SOBP: variants seen among roughly 807,000 people sequenced by gnomAD.
SOBP encodes sine oculis binding protein homolog, also known as sine oculis-binding protein homolog.
A neutral mutation model predicts 53.6 loss-of-function variants in SOBP; 4 were observed. That is an observed-to-expected ratio of 0.07 (90% confidence interval 0.04 to 0.17). SOBP has a LOEUF of 0.17. Among genes scored for constraint, SOBP ranks in the 10% least tolerant of loss-of-function variants. The probability of loss-of-function intolerance (pLI) is 1.00; values close to 1 mark genes in which losing one functional copy is unlikely to be tolerated. For missense variants in SOBP, 1,088 were observed against 1,204.7 expected, an observed-to-expected ratio of 0.90 and a Z score of 1.43; for synonymous variants, 584 against 522.6, an observed-to-expected ratio of 1.12 and a Z score of -1.60.
At chr6:107,538,269 C>A (rs369967266) in intron 4 of SOBP, among the ~76,000 whole-genome samples, 1 of 152,140 alleles carries the variant, frequency 6.6e-6, no homozygotes, top group African/African-American at 2.4e-5. Flanking sequence ...CCAAGTAGTA[C>A]AGAAGAAATG....
At chr6:107,619,257 C>T (rs6906619) in intron 5 of SOBP, among the ~76,000 whole-genome samples, 18,546 of 152,150 alleles carry the variant, frequency 0.12, 1,290 homozygotes, top group East Asian at 0.25. Context: ...GGTTTCCTGG[C>T]CCCATCTTAT....
intron 3 of SOBP, among the ~76,000 whole-genome samples, chr6:107,521,810 G>A (rs1205731049): frequency 2.0e-5 from 3 of 151,866 alleles, no homozygotes; most frequent in African/African-American, 7.3e-5. Flanking sequence ...TCTTCTCCTT[G>A]TGCTGAGGTC....
rs1478333195 is a variant in SOBP at position 107,634,365 on chromosome 6, G to T, written c.1521G>T (p.Met507Ile). The T allele has an allele frequency of 6.3e-7, 1 of 1,593,746 alleles. No homozygotes were observed. Among genetic ancestry groups the T allele is most frequent in the Non-Finnish European group, 8.5e-7 (1 of 1,176,764 alleles). The change falls in exon 6 of 7, where the codon ATG (methionine) becomes ATT (isoleucine). Residue 507 changes from methionine to isoleucine, a missense_variant. Coordinates refer to ENST00000317357, the MANE Select transcript of SOBP (RefSeq NM_018013.4). The surrounding 1 kb of genome is among the most constrained non-coding windows in gnomAD (Gnocchi z 4.5). Reference sequence around the variant, plus strand: ...GCCCGATGCCGGTGCCCCAGATGATGAATTTCGGGCTGCCGTCGCTTGCCC... The same window carrying T: ...GCCCGATGCCGGTGCCCCAGATGATTAATTTCGGGCTGCCGTCGCTTGCCC... ...PNGPMPVPQM[M>I]NFGLPSLAPL...
At position 107,523,572 on chromosome 6, in the gene SOBP, A is replaced by C. The variant is rs114864042; in HGVS notation, c.422-9887A>C. ...TCTCTCTGAGTGCTTGGGCCCTCCC[A>C]GGTGTCCCTTTGACACCCAGTCTCT... On this transcript the variant is annotated intron_variant, in intron 3 of 6. Coordinates refer to ENST00000317357, the MANE Select transcript of SOBP (RefSeq NM_018013.4). 1.1e-3 allele frequency among the ~76,000 whole-genome samples: 173 copies of C among 152,326 alleles called. 3 individuals carry two copies. The highest frequency in any genetic ancestry group is 3.9e-3 in the African/African-American group (162 of 41,578).
At chr6:107,584,844 T>C (rs963017230) in intron 4 of SOBP, among the ~76,000 whole-genome samples, 3 of 152,054 alleles carry the variant, frequency 2.0e-5, no homozygotes, top group Non-Finnish European at 4.4e-5. Context: ...GCACCTTACA[T>C]GTAAGTGGAA....
At position 107,635,302 on chromosome 6, in the gene SOBP, A is replaced by C. The variant is rs778619896; in HGVS notation, c.2458A>C (p.Met820Leu). 1.1e-5 allele frequency: 18 copies of C among 1,613,714 alleles called. No individual in the cohort carries two copies. The highest frequency in any genetic ancestry group is 3.3e-4 in the Middle Eastern group (2 of 6,084). The stretch of plus-strand genomic sequence containing the variant: ...CGAGGACCATGCCTATGCTCTGCGG[A>C]TGCTGCCCAAGACCGGCTGCGTGAT... The part of the protein sequence containing the change: ...ADEDHAYALR[M>L]LPKTGCVIQP... Residue 820 changes from methionine (M) to leucine (L), a missense_variant, in exon 6 of 7, where the codon ATG becomes CTG. By Grantham distance (15) the Met-to-Leu change is conservative (BLOSUM62 2). This residue lies in a region of SOBP where 665 missense variants were observed against 629.7 expected (regional missense o/e 1.06). Transcript: ENST00000317357. This position sits in a 1 kb window ranked among gnomAD's most constrained non-coding sequence, Gnocchi z 4.5.
chr6:107,626,406 T>C (rs1236615379), intron 5 of SOBP, among the ~76,000 whole-genome samples: 1 of 152,250 alleles, frequency 6.6e-6, no homozygotes, highest in East Asian at 1.9e-4. Context: ...GCGCAGTACT[T>C]ATTTCTGAAT....
chr6:107,499,375 A>T (rs1022487989), intron 1 of SOBP, among the ~76,000 whole-genome samples: 1 of 152,226 alleles, frequency 6.6e-6, no homozygotes, highest in Non-Finnish European at 1.5e-5. Context: ...TATTGAAAGG[A>T]TCAGGAGAAT....
rs78345119 is a variant in SOBP, at chr6:107,607,791, A to C, written c.669+20616A>C. On this transcript the variant is annotated intron_variant, in intron 5 of 6. Coordinates refer to ENST00000317357, the MANE Select transcript of SOBP (RefSeq NM_018013.4). ...GTTCAAATATAGAACTAACCATATC[A>C]GCATTTCATGGGGTTCCATAGAGAG... Among the ~76,000 whole-genome samples the C allele has an allele frequency of 7.5e-3, 1,142 of 152,348 alleles. 17 individuals are homozygous for C. Among genetic ancestry groups the C allele is most frequent in the African/African-American group, 0.027 (1,102 of 41,578 alleles).
At chr6:107,588,154 C>T (rs1381980864) in intron 5 of SOBP, among the ~76,000 whole-genome samples, 1 of 152,176 alleles carries the variant, frequency 6.6e-6, no homozygotes, top group Non-Finnish European at 1.5e-5. Flanking sequence ...CCAGCTCTGC[C>T]AGGTCTCTGC....
intron 1 of SOBP, among the ~76,000 whole-genome samples, chr6:107,496,955 C>T (rs1045770040): frequency 6.6e-6 from 1 of 152,230 alleles, no homozygotes; most frequent in Non-Finnish European, 1.5e-5. Context: ...AAAGACAGCT[C>T]AGACTCAGCC....
intron 5 of SOBP, among the ~76,000 whole-genome samples, chr6:107,600,773 G>A (rs1786149657): frequency 6.6e-6 from 1 of 152,118 alleles, no homozygotes; most frequent in African/African-American, 2.4e-5. Context: ...ATACCATCAT[G>A]TTTACCACAG....
At chr6:107,497,829 T>G (rs1782739437) in intron 1 of SOBP, among the ~76,000 whole-genome samples, 1 of 152,206 alleles carries the variant, frequency 6.6e-6, no homozygotes, top group South Asian at 2.1e-4. Flanking sequence ...CATATTTCCA[T>G]AGCTGTTTTC....
At chr6:107,507,176 C>T (rs1783020583) in intron 3 of SOBP, among the ~76,000 whole-genome samples, 1 of 152,136 alleles carries the variant, frequency 6.6e-6, no homozygotes, top group Non-Finnish European at 1.5e-5. Flanking sequence ...GGACATGAGG[C>T]AGGCTTGGTC....
chr6:107,559,133 T>G lies in SOBP; in HGVS notation c.573+25523T>G, dbSNP rs1001225460. Among the ~76,000 whole-genome samples the G allele has an allele frequency of 9.9e-5, 15 of 152,282 alleles. No individual in the cohort carries two copies. The South Asian group carries it at 1.2e-3, about 13-fold the overall frequency. ...AAATGATGAATAAACTAGGACTGGA[T>G]TTTTGAAATGAAGAACATTGAAAGG... On this transcript the variant is annotated intron_variant, in intron 4 of 6. Coordinates refer to ENST00000317357, the MANE Select transcript of SOBP (RefSeq NM_018013.4).
Position 107,596,164 on chromosome 6 carries a change from G to A in SOBP, c.669+8989G>A, listed in dbSNP as rs66482817. 4.6e-5 allele frequency among the ~76,000 whole-genome samples: 7 copies of A among 152,090 alleles called. No individual in the cohort carries two copies. In the East Asian group the frequency reaches 1.2e-3, roughly 25 times the overall value. On this transcript the variant is annotated intron_variant, in intron 5 of 6. Coordinates refer to ENST00000317357, the MANE Select transcript of SOBP (RefSeq NM_018013.4). ...CCCTGAGAACCATGCTTAGCTCACAGCATTTTTCATGAATTCTGAGATGCA... is the reference window on the plus strand; with the variant it reads ...CCCTGAGAACCATGCTTAGCTCACAACATTTTTCATGAATTCTGAGATGCA...
Position 107,634,249 on chromosome 6 carries a change from C to G in SOBP, c.1405C>G (p.Pro469Ala). ...HIHPPSTPTM[P>A]GNPPGLLPPP... is the part of the protein sequence containing the mutation. Reference sequence around the variant, plus strand: ...CCACCCCCCGAGCACCCCCACCATGCCCGGGAACCCCCCAGGCCTGCTGCC... The same window carrying G: ...CCACCCCCCGAGCACCCCCACCATGGCCGGGAACCCCCCAGGCCTGCTGCC... The change falls in exon 6 of 7, where the codon CCC becomes GCC. Residue 469 changes from proline to alanine, a missense_variant. Around this residue, in one of 6 missense-constraint regions of SOBP, gnomAD observed 665 missense variants for 629.7 expected, o/e 1.06. Transcript: ENST00000317357. This position sits in a 1 kb window ranked among gnomAD's most constrained non-coding sequence, Gnocchi z 4.5. 1 of 1,572,848 alleles carries G rather than the reference C, an allele frequency of 6.4e-7. No homozygotes were observed. The highest frequency in any genetic ancestry group is 8.6e-7 in the Non-Finnish European group (1 of 1,165,180).
intron 4 of SOBP, among the ~76,000 whole-genome samples, chr6:107,563,174 T>C (rs1784819551): frequency 6.6e-6 from 1 of 152,066 alleles, no homozygotes; most frequent in Admixed American, 6.5e-5. Context: ...GGAAGATTGC[T>C]TGAGCCCAGG....
chr6:107,595,086 A>G (rs1785896361), intron 5 of SOBP, among the ~76,000 whole-genome samples: 1 of 152,240 alleles, frequency 6.6e-6, no homozygotes, highest in Non-Finnish European at 1.5e-5. Flanking sequence ...TCTTTATAGT[A>G]ACAATTCTTT....
Sources: gnomAD v4.1 joint callset for allele counts (sites outside exome capture counted in the v4.1 genomes callset) on GRCh38, gnomAD v4.1.1 for gene constraint, gnomAD v4.1.1 regional missense constraint, Gnocchi (gnomAD v3.1) non-coding constraint, MANE v1.5 for transcripts, NCBI Gene and HGNC (gene_info 2026-07-23, HGNC 2026-07-21) for gene names.